The following INPP4B variants were observed in gnomAD, a reference collection of about 807,000 sequenced individuals.
The protein encoded by INPP4B is inositol polyphosphate 4-phosphatase type II.
A neutral mutation model predicts 122.5 loss-of-function variants in INPP4B; 55 were observed. The ratio of observed to expected loss-of-function variants is 0.45; its 90% CI spans 0.36 to 0.56. INPP4B has a LOEUF of 0.56. Among genes scored for constraint, INPP4B ranks in the 20% least tolerant of loss-of-function variants. INPP4B has a pLI of 0.00. For missense variants in INPP4B, 1,000 were observed against 1,097.7 expected, an observed-to-expected ratio of 0.91 and a Z score of 1.26; for synonymous variants, 403 against 388.7, an observed-to-expected ratio of 1.04 and a Z score of -0.43.
intron 25 of INPP4B, among the ~76,000 whole-genome samples, chr4:142,071,188 T>C (rs1767073581): frequency 6.6e-6 from 1 of 152,118 alleles, no homozygotes; most frequent in Admixed American, 6.5e-5. Flanking sequence ...ACCACACATC[T>C]ACAACCATTT....
At chr4:142,208,640 T>C in intron 13 of INPP4B, 111 bp from the exon 14 acceptor site, 1 of 586,646 alleles carries the variant, frequency 1.7e-6, no homozygotes, top group East Asian at 3.1e-5. Context: ...AAGAAAAACA[T>C]ATCCTATATT....
chr4:142,664,143 T>C (rs1755649441), intron 2 of INPP4B, among the ~76,000 whole-genome samples: 1 of 152,090 alleles, frequency 6.6e-6, no homozygotes, highest in South Asian at 2.1e-4. Flanking sequence ...TGGGCCCAAT[T>C]AGGAAGAGTA....
intron 14 of INPP4B, among the ~76,000 whole-genome samples, chr4:142,207,783 T>C (rs1274431274): frequency 1.3e-5 from 2 of 152,132 alleles, no homozygotes; most frequent in Non-Finnish European, 2.9e-5. Context: ...AAAAGCGAGA[T>C]GAAAAGACAT....
intron 7 of INPP4B, among the ~76,000 whole-genome samples, chr4:142,342,194 AT>A (rs953877280): frequency 6.6e-6 from 1 of 152,160 alleles, no homozygotes; most frequent in African/African-American, 2.4e-5. Flanking sequence ...GACCTGGTTC[AT>A]GGAAAGCACT....
intron 2 of INPP4B, among the ~76,000 whole-genome samples, chr4:142,580,673 T>C (rs1381016802): frequency 6.6e-6 from 1 of 152,048 alleles, no homozygotes; most frequent in Non-Finnish European, 1.5e-5. Flanking sequence ...GATTTTCTCA[T>C]TAGCTTCACC....
In INPP4B at chr4:142,388,791, T is replaced by C. The variant is rs1330349794; in HGVS notation, c.372+14147A>G. On this transcript the variant is annotated intron_variant, in intron 7 of 25. Transcript: ENST00000262992. ...TGCAATAAAATGCACAGTAAAAGAA[T>C]TGCACTATCTTCTCCTTTTGGGGAT... Among the ~76,000 whole-genome samples, 8 of 152,318 alleles carry C rather than the reference T, an allele frequency of 5.3e-5. No individual in the cohort carries two copies. The East Asian group carries it at 1.5e-3, about 29-fold the overall frequency.
intron 1 of INPP4B, among the ~76,000 whole-genome samples, chr4:142,823,666 C>CA (rs1339279499): frequency 6.6e-6 from 1 of 152,070 alleles, no homozygotes; most frequent in Admixed American, 6.6e-5. Flanking sequence ...CACTAATTCA[C>CA]AAAAAAGTAT....
chr4:142,241,071 A>G (rs1459707248), intron 11 of INPP4B, among the ~76,000 whole-genome samples: 12 of 152,164 alleles, frequency 7.9e-5, no homozygotes, highest in Admixed American at 7.9e-4. Flanking sequence ...ATAAGCAAAT[A>G]ACTGTGTGAA....
Position 142,610,293 on chromosome 4 carries a change from C to T in INPP4B, c.-191+115546G>A, listed in dbSNP as rs114444974. Among the ~76,000 whole-genome samples, 288 of 152,238 alleles carry T rather than the reference C, an allele frequency of 1.9e-3. 2 individuals carry two copies. The highest frequency in any genetic ancestry group is 6.2e-3 in the African/African-American group (258 of 41,564). On this transcript the variant is annotated intron_variant, in intron 2 of 25. Transcript: ENST00000262992. ...TTTGCCTTCCACAATGATTGTGAGG[C>T]CTCCCAGCCATGTAGAACTGTGAAT...
chr4:142,086,221 C>G lies in INPP4B; in HGVS notation c.2410G>C (p.Ala804Pro). ...TTTTGAAGGAGATTTTCTAGCAATG[C>G]TTTTAAATCATTTTGTTCCTGAAAA... is the stretch of plus-strand genomic sequence containing the variant. ...SHFQEQNDLKALLENLLQNIQ... is the reference protein window; with the variant it reads ...SHFQEQNDLKPLLENLLQNIQ... The change falls in exon 24 of 26, where the codon GCA (alanine) becomes CCA (proline). Residue 804 changes from alanine (A) to proline (P), a missense_variant. Coordinates refer to ENST00000262992, the MANE Select transcript of INPP4B (RefSeq NM_001101669.3). The G allele has an allele frequency of 1.3e-6, 2 of 1,586,898 alleles. No individual in the cohort carries two copies. Among genetic ancestry groups the G allele is most frequent in the Non-Finnish European group, 1.7e-6 (2 of 1,155,724 alleles).
chr4:142,647,149 G>C (rs989140691), intron 2 of INPP4B, among the ~76,000 whole-genome samples: 1 of 152,048 alleles, frequency 6.6e-6, no homozygotes, highest in South Asian at 2.1e-4. Context: ...GAGTAGGCCT[G>C]TTACTAAGGA....
At chr4:142,478,551 G>T (rs796422845) in intron 2 of INPP4B, among the ~76,000 whole-genome samples, 11 of 152,142 alleles carry the variant, frequency 7.2e-5, no homozygotes, top group African/African-American at 2.7e-4. Context: ...TAATCATGTG[G>T]TTTTTGTTTT....
At position 142,322,347 on chromosome 4, in the gene INPP4B, T is replaced by C. The variant is rs1770404166; in HGVS notation, c.373-7585A>G. Among the ~76,000 whole-genome samples the C allele has an allele frequency of 2.6e-5, 4 of 152,138 alleles. No homozygotes were observed. The South Asian group carries it at 8.3e-4, about 31-fold the overall frequency. On this transcript the variant is annotated intron_variant, in intron 7 of 25. Transcript: ENST00000262992. Reference sequence around the variant, plus strand: ...ATATTCCTGGGAAGTACATTGAACATTTCTTCTTCAACATTTGGAATTTCT... The same window carrying C: ...ATATTCCTGGGAAGTACATTGAACACTTCTTCTTCAACATTTGGAATTTCT...
intron 2 of INPP4B, among the ~76,000 whole-genome samples, chr4:142,653,960 G>A (rs1753580076): frequency 6.6e-6 from 1 of 152,048 alleles, no homozygotes; most frequent in Non-Finnish European, 1.5e-5. Flanking sequence ...GCAAAGACTT[G>A]GAACCAACCC....
chr4:142,685,452 T>A (rs1161159541), intron 2 of INPP4B, among the ~76,000 whole-genome samples: 1 of 152,110 alleles, frequency 6.6e-6, no homozygotes, highest in Admixed American at 6.6e-5. Context: ...TGGGGCGAAT[T>A]TCACAGTATA....
intron 2 of INPP4B, among the ~76,000 whole-genome samples, chr4:142,708,766 G>C (rs1560983947): frequency 6.6e-6 from 1 of 152,184 alleles, no homozygotes; most frequent in Non-Finnish European, 1.5e-5. Flanking sequence ...GGGCAATATG[G>C]AGGGTAAATG....
chr4:142,525,959 A>T (rs1826856530), intron 2 of INPP4B, among the ~76,000 whole-genome samples: 1 of 152,138 alleles, frequency 6.6e-6, no homozygotes, highest in Non-Finnish European at 1.5e-5. Context: ...GGCAACCTAC[A>T]AAATGGGAGA....
At chr4:142,628,080 T>C (rs1405011065) in intron 2 of INPP4B, among the ~76,000 whole-genome samples, 1 of 152,004 alleles carries the variant, frequency 6.6e-6, no homozygotes, top group African/African-American at 2.4e-5. Flanking sequence ...CAAAGGACTA[T>C]AAATCATGCT....
intron 7 of INPP4B, among the ~76,000 whole-genome samples, chr4:142,348,812 A>G (rs549021697): frequency 9.2e-4 from 140 of 152,142 alleles, no homozygotes; most frequent in Non-Finnish European, 3.2e-4. Flanking sequence ...GACTCCCCAG[A>G]TATCAAGTTC....
Sources: allele counts gnomAD v4.1 joint callset (sites outside exome capture counted in the v4.1 genomes callset), GRCh38; gene constraint gnomAD v4.1.1; transcripts MANE v1.5; gene names NCBI Gene and HGNC (gene_info 2026-07-23, HGNC 2026-07-21).